Variants in TYW1B observed in about 807,000 individuals in gnomAD.
The protein encoded by TYW1B is tRNA-yW synthesizing protein 1 homolog B.
In TYW1B, 73 loss-of-function variants were observed where a neutral mutation model predicts 86.9. The observed-to-expected ratio is 0.84, with a 90% CI of 0.70 to 1.02. TYW1B has a LOEUF of 1.02. Ranked by LOEUF, TYW1B falls within the 50% of genes least tolerant of loss-of-function variation. The pLI is 0.00. For synonymous variants in TYW1B, 248 were observed against 292.8 expected (o/e 0.85, Z 1.56); for missense variants, 637 against 827.4 (o/e 0.77, Z 2.82).
At chr7:72,586,393 T>C (rs1811277034) in intron 13 of TYW1B, among the ~76,000 whole-genome samples, 1 of 152,190 alleles carries the variant, frequency 6.6e-6, no homozygotes, top group Non-Finnish European at 1.5e-5. Context: ...AGCCAATAAC[T>C]GCATGGCCCA....
chr7:72,627,500 C>CATAACATAAT (rs1812376372), intron 12 of TYW1B, among the ~76,000 whole-genome samples: 1 of 148,648 alleles, frequency 6.7e-6, no homozygotes, highest in East Asian at 2.0e-4. Context: ...CATAACATAA[C>CATAACATAAT]ATAACATAAC....
At chr7:72,636,743 C>T (rs570730993) in intron 11 of TYW1B, among the ~76,000 whole-genome samples, 3 of 152,240 alleles carry the variant, frequency 2.0e-5, no homozygotes, top group African/African-American at 4.8e-5. Context: ...AAACAAAACT[C>T]GCATTCTTAG....
At chr7:72,793,508 A>T (rs1788255301) in intron 6 of TYW1B, among the ~76,000 whole-genome samples, 1 of 152,112 alleles carries the variant, frequency 6.6e-6, no homozygotes, top group Non-Finnish European at 1.5e-5. Flanking sequence ...GCACTTTGGG[A>T]GGCCGAGGTG....
At chr7:72,681,262 T>G (rs1267238136) in intron 11 of TYW1B, among the ~76,000 whole-genome samples, 1 of 152,242 alleles carries the variant, frequency 6.6e-6, no homozygotes, top group South Asian at 2.1e-4. Flanking sequence ...CAAATACTTA[T>G]GTGGCAATCA....
chr7:72,585,860 A>T (rs1811262790), intron 13 of TYW1B, among the ~76,000 whole-genome samples: 2 of 152,166 alleles, frequency 1.3e-5, no homozygotes, highest in African/African-American at 4.8e-5. Flanking sequence ...CTAACACACT[A>T]CTATAGGCAA....
chr7:72,645,566 T>A lies in TYW1B; in HGVS notation c.1507-16569A>T, dbSNP rs1812909632. ...ATCCCTCAATAGTGGAAGGAATAAATCGTGGCATACTCATACATTGACATA... is the reference window on the plus strand; with the variant it reads ...ATCCCTCAATAGTGGAAGGAATAAAACGTGGCATACTCATACATTGACATA... On this transcript the variant is annotated intron_variant, in intron 11 of 13. Transcript: ENST00000620995. 2.0e-5 allele frequency among the ~76,000 whole-genome samples: 3 copies of A among 152,288 alleles called. No individual in the cohort carries two copies. In the South Asian group the frequency reaches 6.2e-4, roughly 32 times the overall value.
intron 6 of TYW1B, among the ~76,000 whole-genome samples, chr7:72,790,174 G>A (rs1408231249): frequency 6.6e-6 from 1 of 151,434 alleles, no homozygotes; most frequent in African/African-American, 2.4e-5. Flanking sequence ...CTGGTCTCCT[G>A]ACCTCAGGTG....
chr7:72,684,083 G>A (rs782141066), intron 11 of TYW1B, among the ~76,000 whole-genome samples: 29 of 152,052 alleles, frequency 1.9e-4, no homozygotes, highest in Non-Finnish European at 2.5e-4. Flanking sequence ...AGGAGCTGTG[G>A]GATAACTACA....
At chr7:72,772,267 A>G (rs757093731) in intron 7 of TYW1B, among the ~76,000 whole-genome samples, 3 of 152,124 alleles carry the variant, frequency 2.0e-5, no homozygotes, top group African/African-American at 4.8e-5. Context: ...ACAACACATA[A>G]ACTTGACCAA....
intron 13 of TYW1B, among the ~76,000 whole-genome samples, chr7:72,593,820 T>TAAAAA (rs59821679): frequency 9.2e-5 from 4 of 43,688 alleles, no homozygotes; most frequent in East Asian, 7.7e-4. Context: ...AGACTCCATC[T>TAAAAA]AAAAAAAAAA....
At chr7:72,732,184 G>A (rs1227081621) in intron 8 of TYW1B, among the ~76,000 whole-genome samples, 1 of 152,124 alleles carries the variant, frequency 6.6e-6, no homozygotes, top group African/African-American at 2.4e-5. Flanking sequence ...TACCATAATA[G>A]TCGGGGGCAT....
At chr7:72,620,333 A>T (rs1380816154) in intron 12 of TYW1B, among the ~76,000 whole-genome samples, 4 of 152,254 alleles carry the variant, frequency 2.6e-5, no homozygotes, top group African/African-American at 9.6e-5. Flanking sequence ...GTAGGCGGAG[A>T]TTGCAGCAAG....
At chr7:72,591,426 A>G (rs1811393396) in intron 13 of TYW1B, among the ~76,000 whole-genome samples, 1 of 152,234 alleles carries the variant, frequency 6.6e-6, no homozygotes, top group Admixed American at 6.5e-5. Flanking sequence ...AAGACAGAGA[A>G]TCTTGAAAGC....
chr7:72,637,375 T>C (rs1257847552), intron 11 of TYW1B, among the ~76,000 whole-genome samples: 2 of 151,814 alleles, frequency 1.3e-5, no homozygotes, highest in Non-Finnish European at 2.9e-5. Flanking sequence ...TAAGCTTCAT[T>C]TTCTAGGAAT....
chr7:72,747,167 G>A (rs190170559), intron 7 of TYW1B, among the ~76,000 whole-genome samples: 7 of 152,236 alleles, frequency 4.6e-5, no homozygotes, highest in Admixed American at 3.9e-4. Context: ...GAATTCCCAC[G>A]TGTTGTGGGA....
intron 13 of TYW1B, among the ~76,000 whole-genome samples, chr7:72,593,820 TAAAAAAAAAAAAA>T (rs59821679): frequency 2.1e-4 from 9 of 43,694 alleles, no homozygotes; most frequent in South Asian, 2.3e-3. Flanking sequence ...AGACTCCATC[TAAAAAAAAAAAAA>T]AAAAAAAAAA....
At chr7:72,627,597 C>T (rs2129568672) in intron 12 of TYW1B, among the ~76,000 whole-genome samples, 1 of 152,130 alleles carries the variant, frequency 6.6e-6, no homozygotes, top group East Asian at 1.9e-4. Flanking sequence ...ATAATATATG[C>T]ATTTACCCTT....
intron 11 of TYW1B, among the ~76,000 whole-genome samples, chr7:72,642,573 A>G (rs548456168): frequency 2.6e-5 from 4 of 152,210 alleles, no homozygotes; most frequent in Non-Finnish European, 5.9e-5. Context: ...AAAATATAGT[A>G]CATATCCATC....
intron 10 of TYW1B, among the ~76,000 whole-genome samples, chr7:72,711,474 T>TTC (rs1491568142): frequency 4.2e-5 from 1 of 24,086 alleles, no homozygotes; most frequent in Non-Finnish European, 8.2e-5. Context: ...TCTTTAATTC[T>TTC]TTTTTTTTTT....
Sources: allele counts gnomAD v4.1 joint callset (sites outside exome capture counted in the v4.1 genomes callset), GRCh38; gene constraint gnomAD v4.1.1; transcripts MANE v1.5; gene names NCBI Gene and HGNC (gene_info 2026-07-23, HGNC 2026-07-21).